PLEC: variants seen among roughly 807,000 people sequenced by gnomAD.
PLEC encodes hemidesmosomal protein 1.
PLEC carries 216 observed loss-of-function variants against 392.8 expected under a neutral mutation model. The ratio of observed to expected loss-of-function variants is 0.55; its 90% CI spans 0.49 to 0.62. The LOEUF is 0.62. Among genes scored for constraint, PLEC ranks in the 20% least tolerant of loss-of-function variants. The pLI, the probability that PLEC is intolerant of heterozygous loss-of-function variation, is 0.00. For missense variants in PLEC, 6,863 were observed against 6,563.4 expected (o/e 1.05, Z -1.58); for synonymous variants, 3,621 against 2,980.6 (o/e 1.21, Z -7.00).
chr8:143,916,065 A>T lies in PLEC; in HGVS notation c.*112T>A. On this transcript the variant is annotated 3_prime_UTR_variant, in exon 32 of 32. Coordinates refer to ENST00000345136, the MANE Select transcript of PLEC (RefSeq NM_201384.3). Reference sequence around the variant, plus strand: ...ATATATTAGTCTGGTCTTTTTGGTTAAACTTTAGGCACCACTTGGGAGGAA... The same window carrying T: ...ATATATTAGTCTGGTCTTTTTGGTTTAACTTTAGGCACCACTTGGGAGGAA... 1.5e-6 allele frequency: 1 copy of T among 689,208 alleles called. No individual in the cohort carries two copies. The highest frequency in any genetic ancestry group is 2.3e-6 in the Non-Finnish European group (1 of 426,658). 42.7% of individuals were successfully genotyped at this position (689,208 alleles called of 1,614,324 possible).
rs782437578 is a variant in PLEC, at chr8:143,929,177, C to T, written c.3186G>A (p.Thr1062=). The T allele has an allele frequency of 1.1e-4, 170 of 1,597,154 alleles. 1 individual carries two copies. The highest frequency in any genetic ancestry group is 1.4e-4 in the Non-Finnish European group (163 of 1,174,236). The change falls in exon 25 of 32, where the codon ACG becomes ACA. Residue 1062 remains threonine, a synonymous_variant. Transcript: ENST00000345136. ...ALPEPSPAAP[T]LRSELELTLG... ...GCGTCAGCTCCAGCTCCGAGCGCAG[C>T]GTGGGGGCCGCAGGCGATGGCTCTG...
upstream of PLEC, chr8:143,944,026 G>A (rs964713322): frequency 5.2e-5 from 70 of 1,344,630 alleles, 1 homozygote; most frequent in East Asian, 6.9e-4. Context: ...CCGCAGGACC[G>A]CCCCATACGC....
chr8:143,965,387 CCCT>C (rs1833038972), intron 1 of PLEC, among the ~76,000 whole-genome samples: 1 of 120,510 alleles, frequency 8.3e-6, no homozygotes, highest in Non-Finnish European at 1.8e-5. Flanking sequence ...CCAGCTGGCA[CCCT>C]CCTTCCACCG....
intron 1 of PLEC, among the ~76,000 whole-genome samples, chr8:143,960,941 A>G (rs1554740669): frequency 6.6e-6 from 1 of 152,152 alleles, no homozygotes; most frequent in Non-Finnish European, 1.5e-5. Flanking sequence ...CCCACCCCAC[A>G]GCTGGAGGCC....
In PLEC at chr8:143,930,215, G is replaced by A. The variant is rs374688294; in HGVS notation, c.2541C>T (p.Ser847=). 271 of 1,582,920 alleles carry A rather than the reference G, an allele frequency of 1.7e-4. No homozygotes were observed. Among genetic ancestry groups the A allele is most frequent in the Non-Finnish European group, 2.1e-4 (246 of 1,170,894 alleles). Residue 847 remains serine, a synonymous_variant, in exon 21 of 32, where the codon AGC becomes AGT. Transcript: ENST00000345136. ...SHWKVLSSSG[S]EAAVPSVCFL... Reference sequence around the variant, plus strand: ...AGCACACGGAGGGCACGGCGGCCTCGCTGCCGGAGCTGCTGAGCACCTTCC... The same window carrying A: ...AGCACACGGAGGGCACGGCGGCCTCACTGCCGGAGCTGCTGAGCACCTTCC...
chr8:143,935,376 G>T, intron 6 of PLEC, 63 bp from the exon 7 acceptor site: 1 of 1,128,366 alleles, frequency 8.9e-7, no homozygotes, highest in Non-Finnish European at 1.3e-6. Flanking sequence ...CCACACAGGC[G>T]GGTGCACAGG....
chr8:143,921,291 C>A lies in PLEC; in HGVS notation c.8530G>T (p.Ala2844Ser), dbSNP rs1554684937. 1.9e-6 allele frequency: 3 copies of A among 1,614,048 alleles called. No individual in the cohort carries two copies. Among genetic ancestry groups the A allele is most frequent in the Admixed American group, 3.3e-5 (2 of 60,032 alleles). Residue 2844 changes from alanine to serine, a missense_variant, in exon 32 of 32, where the codon GCG (alanine) becomes TCG (serine). Transcript: ENST00000345136. ...CCCTTGGTGTCGTCGCTGGGGTCCG[C>A]CAGGACGCGGTTCATCTCCTCGTCG... ...YFDEEMNRVL[A>S]DPSDDTKGFF...
At chr8:143,942,482 T>C (rs1554729540), upstream of PLEC, 2 of 1,594,300 alleles carry the variant, frequency 1.3e-6, no homozygotes. Context: ...AAGACCTCCC[T>C]CGGCGAGGCA....
chr8:143,950,872 G>A, exon 1 of PLEC: 2 of 1,384,952 alleles, frequency 1.4e-6, no homozygotes, highest in Non-Finnish European at 1.9e-6. Flanking sequence ...TGAGGGCGCG[G>A]GCTCCCGGCT....
chr8:143,943,539 T>C (rs1469250686), upstream of PLEC, among the ~76,000 whole-genome samples: 3 of 152,048 alleles, frequency 2.0e-5, no homozygotes, highest in African/African-American at 7.2e-5. Context: ...CCTGCCGGCC[T>C]CCGCTTCCAC....
Position 143,934,653 on chromosome 8 carries a change from G to A in PLEC, c.1023C>T (p.Gly341=), listed in dbSNP as rs782793041. 7.4e-6 allele frequency: 12 copies of A among 1,613,014 alleles called. No individual in the cohort carries two copies. The highest frequency in any genetic ancestry group is 3.4e-6 in the Non-Finnish European group (4 of 1,179,878). The change falls in exon 10 of 32, where the codon GGC becomes GGT. Residue 341 remains glycine, a synonymous_variant. Coordinates refer to ENST00000345136, the MANE Select transcript of PLEC (RefSeq NM_201384.3). The part of the protein sequence containing the change: ...AKEADKNRSK[G]IYQSLEGAVQ... ...CACTCACCTCCAGGGATTGGTAGAT[G>A]CCCTTGGACCTGTTCTTGTCGGCCT...
chr8:143,927,122 C>CA, intron 28 of PLEC, 41 bp from the exon 29 acceptor site: 1 of 1,574,368 alleles, frequency 6.4e-7, no homozygotes, highest in East Asian at 2.2e-5. Flanking sequence ...CTCTGCCCTC[C>CA]GATGGCCCCT....
intron 16 of PLEC, 34 bp downstream of exon 16, chr8:143,932,366 C>T: frequency 2.5e-6 from 4 of 1,611,778 alleles, no homozygotes; most frequent in Non-Finnish European, 2.5e-6. Context: ...GGGGAGGGGG[C>T]TGTGGGGTTC....
chr8:143,952,738 A>G (rs1193622936), upstream of PLEC, among the ~76,000 whole-genome samples: 7 of 152,126 alleles, frequency 4.6e-5, no homozygotes, highest in Admixed American at 2.6e-4. Context: ...TCTCCTACAC[A>G]GGCCTGCAGG....
In PLEC at chr8:143,929,255, C is replaced by G. The variant is rs782414987; in HGVS notation, c.3108G>C (p.Leu1036=). ...CAGAGAGCCGGGCGACCCCCTTGCC[C>G]AGCCCCTCCACCTCTGCCTGTGCCT... ...QQKAQAEVEG[L]GKGVARLSAE... Residue 1036 remains leucine, a synonymous_variant, in exon 25 of 32, where the codon CTG becomes CTC. Coordinates refer to ENST00000345136, the MANE Select transcript of PLEC (RefSeq NM_201384.3). 1 of 1,601,578 alleles carries G rather than the reference C, an allele frequency of 6.2e-7. No homozygotes were observed. The highest frequency in any genetic ancestry group is 2.2e-5 in the East Asian group (1 of 44,838).
At position 143,922,917 on chromosome 8, in the gene PLEC, G is replaced by C. The variant is rs1203422246; in HGVS notation, c.7012C>G (p.Leu2338Val). The change falls in exon 31 of 32, where the codon CTT (leucine) becomes GTT (valine). Residue 2338 changes from leucine to valine, a missense_variant. Leu to Val is a conservative substitution (Grantham distance 32). Transcript: ENST00000345136. ...EAELLQQQKE[L>V]AQEQARRLQE... ...AGCCGCCGCGCCTGCTCCTGCGCAAGCTCCTTCTGCTGCTGCAGCAGTTCC... is the reference window on the plus strand; with the variant it reads ...AGCCGCCGCGCCTGCTCCTGCGCAACCTCCTTCTGCTGCTGCAGCAGTTCC... 5 of 1,599,650 alleles carry C rather than the reference G, an allele frequency of 3.1e-6. No homozygotes were observed. Among genetic ancestry groups the C allele is most frequent in the South Asian group, 1.1e-5 (1 of 89,250 alleles).
chr8:143,927,093 CA>C lies in PLEC; in HGVS notation c.3841-13del. ...TGGAGTTCATAGTCCTGTGGCAATG[CA>C]CTGCGGTCAGCCACCAGCTCTGCCC... is the stretch of plus-strand genomic sequence containing the variant. On this transcript the variant is annotated splice_polypyrimidine_tract_variant and intron_variant, in intron 28 of 31. Transcript: ENST00000345136. 1 of 1,604,098 alleles carries C rather than the reference CA, an allele frequency of 6.2e-7. No homozygotes were observed. Among genetic ancestry groups the C allele is most frequent in the South Asian group, 1.1e-5 (1 of 90,990 alleles).
chr8:143,928,047 G>A (rs1477843914), intron 25 of PLEC, 55 bp from the exon 26 acceptor site: 144 of 1,538,784 alleles, frequency 9.4e-5, no homozygotes, highest in Non-Finnish European at 1.3e-4. Context: ...AATAGCCCAA[G>A]GGAATGGAAC....
intron 1 of PLEC, among the ~76,000 whole-genome samples, chr8:143,948,339 G>T (rs1356403643): frequency 6.6e-6 from 1 of 152,246 alleles, no homozygotes; most frequent in Non-Finnish European, 1.5e-5. Context: ...GAAGGGCAGG[G>T]CAGCTCACTG....
Sources: allele counts gnomAD v4.1 joint callset (sites outside exome capture counted in the v4.1 genomes callset), GRCh38; gene constraint gnomAD v4.1.1; transcripts MANE v1.5; gene names NCBI Gene and HGNC (gene_info 2026-07-23, HGNC 2026-07-21).